Variants in GPC5 observed in about 807,000 individuals in gnomAD.
GPC5 encodes glypican 5.
GPC5 carries 47 observed loss-of-function variants against 53.9 expected under a neutral mutation model. The ratio of observed to expected loss-of-function variants is 0.87; its 90% confidence interval spans 0.69 to 1.11. The LOEUF is 1.11. GPC5 is among the 50% of genes most tolerant of loss of function. GPC5 has a pLI of 0.00. For synonymous variants in GPC5, 286 were observed against 263.3 expected, an observed-to-expected ratio of 1.09 and a Z score of -0.84; for missense variants, 748 against 713.1, an observed-to-expected ratio of 1.05 and a Z score of -0.56.
At chr13:91,803,698 G>A (rs758111074) in intron 5 of GPC5, among the ~76,000 whole-genome samples, 2 of 151,676 alleles carry the variant, frequency 1.3e-5, no homozygotes, top group Admixed American at 1.3e-4. Flanking sequence ...TAAATTAATT[G>A]TTGAATTAAA....
intron 7 of GPC5, among the ~76,000 whole-genome samples, chr13:92,658,265 T>A (rs1886205903): frequency 6.6e-6 from 1 of 152,186 alleles, no homozygotes; most frequent in South Asian, 2.1e-4. Context: ...TAAAACCACA[T>A]AATTACTCAT....
At chr13:91,766,058 T>C (rs886444679) in intron 5 of GPC5, among the ~76,000 whole-genome samples, 2 of 152,258 alleles carry the variant, frequency 1.3e-5, no homozygotes, top group Non-Finnish European at 2.9e-5. Context: ...TCACAAACAC[T>C]GTTCTAGATG....
At position 92,174,551 on chromosome 13, in the gene GPC5, C is replaced by T. The variant is rs141378949; in HGVS notation, c.1561+29562C>T. Among the ~76,000 whole-genome samples, 61 of 136,940 alleles carry T rather than the reference C, an allele frequency of 4.5e-4. 1 individual carries two copies. Among genetic ancestry groups the T allele is most frequent in the African/African-American group, 1.7e-3 (58 of 33,710 alleles). 89.8% of individuals were successfully genotyped at this position (136,940 alleles called of 152,430 possible). A position where few individuals can be genotyped will look rare whatever the true frequency, so the allele number is the denominator to read the frequency against. On this transcript the variant is annotated intron_variant, in intron 7 of 7. Coordinates refer to ENST00000377067, the MANE Select transcript of GPC5 (RefSeq NM_004466.6). Reference sequence around the variant, plus strand: ...TTCCAACTCAAAGAAAAAAAAAAAACAAAAACAACAACAACAACAAAAAAA... The same window carrying T: ...TTCCAACTCAAAGAAAAAAAAAAAATAAAAACAACAACAACAACAAAAAAA...
chr13:91,808,471 G>T (rs1473537159), intron 5 of GPC5, among the ~76,000 whole-genome samples: 3 of 152,032 alleles, frequency 2.0e-5, no homozygotes, highest in South Asian at 4.1e-4. Flanking sequence ...CAATTTCCTG[G>T]AGTATGCTCT....
intron 5 of GPC5, among the ~76,000 whole-genome samples, chr13:91,797,874 GA>G (rs767027622): frequency 1.3e-5 from 2 of 152,328 alleles, no homozygotes; most frequent in Non-Finnish European, 2.9e-5. Flanking sequence ...AGATTCATCA[GA>G]TTGACAGCGT....
At chr13:91,695,397 G>C (rs1428343656) in intron 3 of GPC5, among the ~76,000 whole-genome samples, 2 of 151,748 alleles carry the variant, frequency 1.3e-5, no homozygotes, top group African/African-American at 4.8e-5. Context: ...ATTTTTTGAC[G>C]GAGTCTCACT....
chr13:92,308,998 G>A (rs999867376), intron 7 of GPC5, among the ~76,000 whole-genome samples: 1 of 152,026 alleles, frequency 6.6e-6, no homozygotes, highest in East Asian at 1.9e-4. Flanking sequence ...CATCTTTTGA[G>A]AGGAGTCATT....
chr13:91,718,368 C>G lies in GPC5; in HGVS notation c.1021-10164C>G, dbSNP rs575935529. Among the ~76,000 whole-genome samples the G allele has an allele frequency of 3.3e-5, 5 of 152,016 alleles. No homozygotes were observed. The East Asian group carries it at 9.8e-4, about 30-fold the overall frequency. ...CTCGTGATCCACCCGCTTTGGCCTC[C>G]CAAAGTGCTGGGATTACAGGCGTGA... On this transcript the variant is annotated intron_variant, in intron 3 of 7. Transcript: ENST00000377067.
chr13:91,466,396 G>A (rs1473097268), intron 2 of GPC5, among the ~76,000 whole-genome samples: 1 of 152,056 alleles, frequency 6.6e-6, no homozygotes, highest in African/African-American at 2.4e-5. Flanking sequence ...GGACGTTATG[G>A]TCCCAAGTTT....
intron 5 of GPC5, among the ~76,000 whole-genome samples, chr13:91,817,205 C>T (rs1316185725): frequency 6.6e-6 from 1 of 152,076 alleles, no homozygotes; most frequent in Admixed American, 6.6e-5. Context: ...TTCTATCTTT[C>T]GACAGGAATT....
At chr13:91,575,090 T>C (rs530284490) in intron 2 of GPC5, among the ~76,000 whole-genome samples, 2 of 152,262 alleles carry the variant, frequency 1.3e-5, no homozygotes, top group Non-Finnish European at 2.9e-5. Context: ...TGTACCACAT[T>C]CTATAATATT....
At chr13:92,727,728 C>G (rs1888684506) in intron 7 of GPC5, among the ~76,000 whole-genome samples, 1 of 151,368 alleles carries the variant, frequency 6.6e-6, no homozygotes, top group South Asian at 2.1e-4. Flanking sequence ...GAAACATACC[C>G]TTAATGGATT....
chr13:91,811,948 C>T (rs1490973256), intron 5 of GPC5, among the ~76,000 whole-genome samples: 5 of 152,158 alleles, frequency 3.3e-5, no homozygotes, highest in East Asian at 3.9e-4. Flanking sequence ...ATGCCTACAA[C>T]GTGGAGCTGC....
chr13:92,572,615 A>G (rs959599668), intron 7 of GPC5, among the ~76,000 whole-genome samples: 2 of 152,204 alleles, frequency 1.3e-5, no homozygotes, highest in African/African-American at 4.8e-5. Flanking sequence ...ACCCTGATCA[A>G]TGCTAAGAAT....
intron 2 of GPC5, among the ~76,000 whole-genome samples, chr13:91,464,762 T>C (rs1237043109): frequency 6.6e-6 from 1 of 152,022 alleles, no homozygotes; most frequent in Admixed American, 6.6e-5. Context: ...GTCTTGATAG[T>C]GGTGATGGTT....
At chr13:92,101,326 A>G (rs777574489) in intron 6 of GPC5, among the ~76,000 whole-genome samples, 12 of 152,158 alleles carry the variant, frequency 7.9e-5, no homozygotes, top group Non-Finnish European at 1.8e-4. Flanking sequence ...TTTATTTTCC[A>G]ATGAAAGGTG....
At chr13:91,942,568 T>A (rs1452162240) in intron 6 of GPC5, among the ~76,000 whole-genome samples, 3 of 152,118 alleles carry the variant, frequency 2.0e-5, no homozygotes, top group African/African-American at 7.2e-5. Flanking sequence ...AGCTCATTTT[T>A]AATATGCAAT....
chr13:92,122,082 G>C (rs1262775071), intron 6 of GPC5, among the ~76,000 whole-genome samples: 2 of 152,048 alleles, frequency 1.3e-5, no homozygotes, highest in African/African-American at 4.8e-5. Context: ...AACATCACAT[G>C]GTATACCGAA....
intron 7 of GPC5, among the ~76,000 whole-genome samples, chr13:92,661,078 G>T (rs1283165565): frequency 6.6e-6 from 1 of 151,916 alleles, no homozygotes; most frequent in African/African-American, 2.4e-5. Context: ...AGGCAGGAGG[G>T]TTGCTTGACT....
Sources: allele counts gnomAD v4.1 joint callset (sites outside exome capture counted in the v4.1 genomes callset), GRCh38; gene constraint gnomAD v4.1.1; transcripts MANE v1.5; gene names NCBI Gene and HGNC (gene_info 2026-07-23, HGNC 2026-07-21).